ESR2: variants seen among roughly 807,000 people sequenced by gnomAD.
ESR2 encodes the protein estrogen receptor 2, also known as estrogen receptor beta.
ESR2 carries 36 observed loss-of-function variants against 49.6 expected under a neutral mutation model. The ratio of observed to expected loss-of-function variants is 0.73; its 90% confidence interval spans 0.56 to 0.96. The LOEUF is 0.96. Among genes scored for constraint, ESR2 ranks in the 40% least tolerant of loss-of-function variants. ESR2 has a pLI of 0.00. For synonymous variants in ESR2, 320 were observed against 266.1 expected (o/e 1.20, Z -1.97); for missense variants, 714 against 693.0 (o/e 1.03, Z -0.34).
intron 4 of ESR2, 99 bp downstream of exon 4, chr14:64,268,696 C>G: frequency 1.4e-6 from 1 of 727,574 alleles, no homozygotes; most frequent in Non-Finnish European, 2.4e-6. Context: ...ATTACTATGT[C>G]CCAAATCTTC....
At chr14:64,235,834 C>G (rs866151994) in intron 7 of ESR2, among the ~76,000 whole-genome samples, 7 of 152,180 alleles carry the variant, frequency 4.6e-5, no homozygotes, top group South Asian at 4.1e-4. Flanking sequence ...CTGCCTCCCC[C>G]ATCCTGCCCT....
At chr14:64,312,566 G>T (rs1053060151) in intron 1 of ESR2, among the ~76,000 whole-genome samples, 4 of 152,152 alleles carry the variant, frequency 2.6e-5, no homozygotes, top group African/African-American at 9.7e-5. Flanking sequence ...AGGGGCGTCT[G>T]GCTGAGTTAG....
chr14:64,298,570 T>C (rs1423277312), upstream of ESR2: 2 of 152,194 alleles, frequency 1.3e-5, no homozygotes, highest in Non-Finnish European at 2.9e-5. Flanking sequence ...TTGATCTGCG[T>C]TGGACTGGGG....
At chr14:64,334,890 C>T (rs957413674) in intron 1 of ESR2, among the ~76,000 whole-genome samples, 2 of 152,282 alleles carry the variant, frequency 1.3e-5, no homozygotes, top group African/African-American at 2.4e-5. Flanking sequence ...TCAGGTGATC[C>T]GCCTGCCTCG....
intron 4 of ESR2, among the ~76,000 whole-genome samples, chr14:64,264,876 C>CAA (rs5809224): frequency 5.0e-5 from 6 of 119,328 alleles, no homozygotes; most frequent in South Asian, 2.8e-4. Flanking sequence ...TACCCTGTCT[C>CAA]AAAAAAAAAA....
At chr14:64,227,530 G>C (rs763034969), downstream of ESR2, 15 of 1,614,104 alleles carry the variant, frequency 9.3e-6, no homozygotes, top group Non-Finnish European at 1.3e-5. Flanking sequence ...GTTGATTAGA[G>C]GGTCACTGCT....
At chr14:64,258,200 C>A (rs1185226966) in intron 5 of ESR2, among the ~76,000 whole-genome samples, 2 of 138,142 alleles carry the variant, frequency 1.4e-5, no homozygotes, top group African/African-American at 6.0e-5. Context: ...CAGAGCGAGA[C>A]CCTGTCTCAA....
At position 64,279,969 on chromosome 14, in the gene ESR2, A is replaced by G; in HGVS notation, c.535+12T>C. ...TAGGAAACTAAAGAAGCAGTTAACA[A>G]TTCTCTTGTACCTTGAATGCTTCTT... On this transcript the variant is annotated intron_variant, in intron 3 of 8. Coordinates refer to ENST00000341099, the MANE Select transcript of ESR2 (RefSeq NM_001437.3). 6.2e-7 allele frequency: 1 copy of G among 1,602,556 alleles called. No individual in the cohort carries two copies.
chr14:64,302,144 CTT>C (rs201484322), intron 1 of ESR2, among the ~76,000 whole-genome samples: 7,480 of 149,144 alleles, frequency 0.05, 249 homozygotes, highest in Non-Finnish European at 0.075. Flanking sequence ...ACCTGGGTCA[CTT>C]TTTTATTTTT....
At chr14:64,228,039 A>C (rs1361909291), downstream of ESR2, 3 of 1,462,486 alleles carry the variant, frequency 2.1e-6, no homozygotes, top group Non-Finnish European at 2.7e-6. Context: ...ACTTGTATAC[A>C]CAGGACCTGT....
intron 8 of ESR2, 123 bp downstream of exon 8, chr14:64,234,847 C>T: frequency 1.3e-6 from 2 of 1,494,266 alleles, no homozygotes; most frequent in South Asian, 1.3e-5. Context: ...TGACAAATTC[C>T]CCATTCCCTT....
At position 64,235,078 on chromosome 14, in the gene ESR2, A is replaced by G; in HGVS notation, c.1298T>C (p.Val433Ala). 2 of 1,614,232 alleles carry G rather than the reference A, an allele frequency of 1.2e-6. No homozygotes were observed. Among genetic ancestry groups the G allele is most frequent in the Non-Finnish European group, 1.7e-6 (2 of 1,180,042 alleles). Reference protein sequence around the residue: ...SRKLAHLLNAVTDALVWVIAK... With the variant: ...SRKLAHLLNAATDALVWVIAK... Reference sequence around the variant, plus strand: ...AATCACCCAAACCAAAGCATCGGTCACGGCGTTCAGCAAGTGAGCCAGCTT... The same window carrying G: ...AATCACCCAAACCAAAGCATCGGTCGCGGCGTTCAGCAAGTGAGCCAGCTT... The change falls in exon 8 of 9, where the codon GTG becomes GCG. Residue 433 changes from valine (V) to alanine (A), a missense_variant. Val to Ala is a moderately conservative substitution (Grantham distance 64). Coordinates refer to ENST00000341099, the MANE Select transcript of ESR2 (RefSeq NM_001437.3).
chr14:64,326,474 T>C (rs903926702), intron 1 of ESR2, among the ~76,000 whole-genome samples: 5 of 152,174 alleles, frequency 3.3e-5, no homozygotes, highest in African/African-American at 1.2e-4. Context: ...TTAATAACAT[T>C]AACTTTTTTT....
intron 6 of ESR2, among the ~76,000 whole-genome samples, chr14:64,254,394 T>TA (rs2076055120): frequency 6.6e-6 from 1 of 152,108 alleles, no homozygotes; most frequent in South Asian, 2.1e-4. Context: ...GAGGACTAAG[T>TA]AACTGAACTA....
At chr14:64,252,479 A>G (rs540236722) in intron 6 of ESR2, among the ~76,000 whole-genome samples, 1 of 152,270 alleles carries the variant, frequency 6.6e-6, no homozygotes, top group South Asian at 2.1e-4. Context: ...GTATTAGTCC[A>G]TTTTCACATT....
At chr14:64,228,145 G>T, downstream of ESR2, 1 of 975,290 alleles carries the variant, frequency 1.0e-6, no homozygotes, top group Non-Finnish European at 1.4e-6. Flanking sequence ...TAACTCTTCT[G>T]AAATTGTACT....
chr14:64,328,801 C>G (rs921833644), intron 1 of ESR2, among the ~76,000 whole-genome samples: 6 of 152,154 alleles, frequency 3.9e-5, no homozygotes, highest in African/African-American at 1.2e-4. Flanking sequence ...AAATATTTAG[C>G]AATTTGTCTA....
chr14:64,271,470 C>A (rs577653569), intron 3 of ESR2, among the ~76,000 whole-genome samples: 1 of 152,290 alleles, frequency 6.6e-6, no homozygotes, highest in African/African-American at 2.4e-5. Context: ...GGACTACAGG[C>A]GCATGCCGCC....
intron 4 of ESR2, among the ~76,000 whole-genome samples, chr14:64,261,811 A>G (rs942203549): frequency 1.3e-5 from 2 of 151,916 alleles, no homozygotes; most frequent in African/African-American, 4.8e-5. Context: ...GAGTGTAATG[A>G]TGCAATCATA....
Sources: allele counts gnomAD v4.1 joint callset (sites outside exome capture counted in the v4.1 genomes callset), GRCh38; gene constraint gnomAD v4.1.1; transcripts MANE v1.5; gene names NCBI Gene and HGNC (gene_info 2026-07-23, HGNC 2026-07-21).